The following TFB2M variants were observed in gnomAD, a reference collection of about 807,000 sequenced individuals.
TFB2M encodes the protein dimethyladenosine transferase 2, mitochondrial.
Under a neutral mutation model 41.3 loss-of-function variants are expected in TFB2M, and 44 were observed. That is an observed-to-expected ratio of 1.07 (90% CI 0.84 to 1.37). The LOEUF (loss-of-function observed/expected upper bound fraction) is 1.37, where lower values mean the gene tolerates loss of function less well. Ranked by LOEUF, TFB2M falls within the 40% of genes most tolerant of loss-of-function variation. The probability of loss-of-function intolerance (pLI) is 0.00; values close to 1 mark genes in which losing one functional copy is unlikely to be tolerated. For missense variants in TFB2M, 496 were observed against 490.2 expected, an observed-to-expected ratio of 1.01 and a Z score of -0.11; for synonymous variants, 188 against 176.8, an observed-to-expected ratio of 1.06 and a Z score of -0.50.
chr1:246,560,444 G>A (rs1262326624), intron 2 of TFB2M, among the ~76,000 whole-genome samples: 1 of 152,152 alleles, frequency 6.6e-6, no homozygotes, highest in African/African-American at 2.4e-5. Flanking sequence ...AATCACCTGA[G>A]CCTGGGAAGT....
Position 246,543,969 on chromosome 1 carries a change from A to C in TFB2M, c.1019+552T>G, listed in dbSNP as rs994797787. Among the ~76,000 whole-genome samples the C allele has an allele frequency of 1.1e-4, 16 of 152,176 alleles. 1 individual carries two copies. Among genetic ancestry groups the C allele is most frequent in the Admixed American group, 9.8e-4 (15 of 15,272 alleles). On this transcript the variant is annotated intron_variant, in intron 7 of 7. Transcript: ENST00000366514. ...TGTGCCACTACACTTCAGCCTGGAC[A>C]ACACAGCGAGACCCTGTCTCTAACA...
At chr1:246,552,660 C>T (rs373316940) in intron 4 of TFB2M, among the ~76,000 whole-genome samples, 4 of 151,504 alleles carry the variant, frequency 2.6e-5, no homozygotes, top group Non-Finnish European at 4.4e-5. Context: ...GAACATACCA[C>T]GACATTCAAG....
chr1:246,544,339 A>T (rs1658940028), intron 7 of TFB2M, among the ~76,000 whole-genome samples, 182 bp downstream of exon 7: 1 of 152,256 alleles, frequency 6.6e-6, no homozygotes, highest in Non-Finnish European at 1.5e-5. Context: ...TCAATGAGAG[A>T]TTATGGGAAA....
At position 246,540,694 on chromosome 1, in the gene TFB2M, T is replaced by C; in HGVS notation, c.*337A>G. ...CAGTAAATCAGTTTTGCTTACTTTC[T>C]AAGCTTAATAATGTACAGACTCTTG... On this transcript the variant is annotated 3_prime_UTR_variant, in exon 8 of 8. Coordinates refer to ENST00000366514, the MANE Select transcript of TFB2M (RefSeq NM_022366.3). 1 of 191,334 alleles carries C rather than the reference T, an allele frequency of 5.2e-6. No individual in the cohort carries two copies. The highest frequency in any genetic ancestry group is 1.1e-5 in the Non-Finnish European group (1 of 93,630). 11.9% of individuals were successfully genotyped at this position (191,334 alleles called of 1,614,324 possible). A position where few individuals can be genotyped will look rare whatever the true frequency, so the allele number is the denominator to read the frequency against.
intron 2 of TFB2M, among the ~76,000 whole-genome samples, chr1:246,559,289 G>A (rs190860386): frequency 2.6e-4 from 39 of 152,130 alleles, no homozygotes; most frequent in African/African-American, 7.5e-4. Flanking sequence ...TGGCTCACAC[G>A]TGTAATACCA....
chr1:246,546,976 C>T (rs375579763), intron 6 of TFB2M, among the ~76,000 whole-genome samples: 3 of 63,892 alleles, frequency 4.7e-5, no homozygotes, highest in East Asian at 3.5e-4. Flanking sequence ...TACACACACA[C>T]ACACACATTT....
intron 7 of TFB2M, among the ~76,000 whole-genome samples, chr1:246,542,647 G>C (rs1346862618): frequency 1.3e-5 from 2 of 152,096 alleles, no homozygotes; most frequent in Non-Finnish European, 2.9e-5. Context: ...ACTCCAGACT[G>C]GGCAACAGAG....
At chr1:246,548,344 T>G (rs1258183630) in intron 6 of TFB2M, among the ~76,000 whole-genome samples, 1 of 152,182 alleles carries the variant, frequency 6.6e-6, no homozygotes, top group Non-Finnish European at 1.5e-5. Context: ...CCTATTACTA[T>G]GCTAGCATCC....
intron 3 of TFB2M, 35 bp from the exon 4 acceptor site, chr1:246,556,756 G>T (rs769806015): frequency 9.2e-6 from 14 of 1,514,442 alleles, no homozygotes; most frequent in Non-Finnish European, 1.1e-5. Context: ...TTTGAATAAA[G>T]TTCTTAGCAT....
intron 7 of TFB2M, among the ~76,000 whole-genome samples, chr1:246,543,053 G>T (rs1658907505): frequency 6.8e-6 from 1 of 146,842 alleles, no homozygotes; most frequent in African/African-American, 2.5e-5. Context: ...CAATGCAGTG[G>T]TGAGTTTATG....
intron 6 of TFB2M, 63 bp from the exon 7 acceptor site, chr1:246,544,744 A>C: frequency 1.4e-6 from 2 of 1,420,858 alleles, no homozygotes. Flanking sequence ...GACATTGCTC[A>C]CTTCTTCCTT....
chr1:246,557,797 G>A (rs1040414500), intron 2 of TFB2M, among the ~76,000 whole-genome samples: 1 of 151,734 alleles, frequency 6.6e-6, no homozygotes. Flanking sequence ...AGCCTCCCAA[G>A]TAGCTGGGAC....
chr1:246,564,669 A>G (rs1408959654), intron 1 of TFB2M, among the ~76,000 whole-genome samples: 3 of 151,882 alleles, frequency 2.0e-5, no homozygotes, highest in African/African-American at 7.3e-5. Flanking sequence ...CAGCGACTGC[A>G]AAACCTGCAC....
In TFB2M at chr1:246,556,692, G is replaced by T; in HGVS notation, c.586C>A (p.Pro196Thr). ...AGTGCCCTTTTCTCACCTCTACTTG[G>T]GAACATTCCAACTACTTTTAAAGGG... ...DIPLKVVGMF[P>T]SRGEKRALWK... The change falls in exon 4 of 8, where the codon CCA becomes ACA. Residue 196 changes from proline (P) to threonine (T), a missense_variant. Physicochemically the swap from Pro to Thr is conservative, Grantham distance 38 (BLOSUM62 -1). Transcript: ENST00000366514. 1 of 1,573,582 alleles carries T rather than the reference G, an allele frequency of 6.4e-7. No homozygotes were observed.
chr1:246,566,242 G>C lies in TFB2M; in HGVS notation c.-104C>G. On this transcript the variant is annotated 5_prime_UTR_variant, in exon 1 of 8. Coordinates refer to ENST00000366514, the MANE Select transcript of TFB2M (RefSeq NM_022366.3). ...GAACATTTTCTGGCGTCCGGGCCAG[G>C]TCAAGCGGAAGTAAACACTAGAGCC... 8.2e-7 allele frequency: 1 copy of C among 1,220,418 alleles called. No individual in the cohort carries two copies. Among genetic ancestry groups the C allele is most frequent in the Non-Finnish European group, 1.1e-6 (1 of 879,290 alleles). 75.6% of individuals were successfully genotyped at this position (1,220,418 alleles called of 1,614,324 possible). A position where few individuals can be genotyped will look rare whatever the true frequency, so the allele number is the denominator to read the frequency against.
chr1:246,547,726 C>T (rs1379580625), intron 6 of TFB2M, among the ~76,000 whole-genome samples: 1 of 150,994 alleles, frequency 6.6e-6, no homozygotes, highest in Non-Finnish European at 1.5e-5. Context: ...AGTGAAACTT[C>T]TGAATTGAGT....
intron 6 of TFB2M, among the ~76,000 whole-genome samples, chr1:246,546,142 CCTT>C (rs3073368): frequency 0.27 from 40,905 of 151,598 alleles, 6,179 homozygotes; most frequent in East Asian, 0.66. Flanking sequence ...CAGGGAGACT[CCTT>C]CTTTACAAAC....
intron 6 of TFB2M, among the ~76,000 whole-genome samples, chr1:246,545,025 T>A (rs548268326): frequency 6.6e-6 from 1 of 151,252 alleles, no homozygotes; most frequent in Non-Finnish European, 1.5e-5. Context: ...CAGGATGGTC[T>A]CGATCTCCTG....
Position 246,544,636 on chromosome 1 carries a change from T to G in TFB2M, c.904A>C (p.Ile302Leu). ...LQQKLYLIQM[I>L]PRQNLFTKNL... Reference sequence around the variant, plus strand: ...TTGGTAAATAAATTTTGACGAGGAATCATTTGAATAAGATACAGCTTTTGT... The same window carrying G: ...TTGGTAAATAAATTTTGACGAGGAAGCATTTGAATAAGATACAGCTTTTGT... The change falls in exon 7 of 8, where the codon ATT (isoleucine) becomes CTT (leucine). Residue 302 changes from isoleucine (I) to leucine (L), a missense_variant. Physicochemically the swap from Ile to Leu is conservative, Grantham distance 5. Transcript: ENST00000366514. 6.2e-7 allele frequency: 1 copy of G among 1,607,176 alleles called. No homozygotes were observed. The highest frequency in any genetic ancestry group is 8.5e-7 in the Non-Finnish European group (1 of 1,178,424).
Sources: gnomAD v4.1 joint callset for allele counts (sites outside exome capture counted in the v4.1 genomes callset) on GRCh38, gnomAD v4.1.1 for gene constraint, MANE v1.5 for transcripts, NCBI Gene and HGNC (gene_info 2026-07-23, HGNC 2026-07-21) for gene names.